CMIP: variants seen among roughly 807,000 people sequenced by gnomAD.
CMIP encodes C-Maf-inducing protein.
Under a neutral mutation model 97.3 loss-of-function variants are expected in CMIP, and 13 were observed. The observed-to-expected ratio is 0.13, with a 90% CI of 0.09 to 0.21. The LOEUF (loss-of-function observed/expected upper bound fraction) is 0.21, where lower values mean the gene tolerates loss of function less well. Among genes scored for constraint, CMIP ranks in the 10% least tolerant of loss-of-function variants. The pLI, the probability that CMIP is intolerant of heterozygous loss-of-function variation, is 1.00. For synonymous variants in CMIP, 538 were observed against 436.3 expected, an observed-to-expected ratio of 1.23 and a Z score of -2.91; for missense variants, 847 against 1,024.9, an observed-to-expected ratio of 0.83 and a Z score of 2.37.
intron 1 of CMIP, among the ~76,000 whole-genome samples, chr16:81,560,620 GCTCA>G (rs1161106873): frequency 6.6e-6 from 1 of 152,092 alleles, no homozygotes; most frequent in Admixed American, 6.5e-5. Flanking sequence ...TTCACTCACC[GCTCA>G]CTCACTCACC....
chr16:81,561,959 A>T (rs2090891818), intron 1 of CMIP, among the ~76,000 whole-genome samples: 1 of 152,110 alleles, frequency 6.6e-6, no homozygotes. Flanking sequence ...CTGTTGTAGT[A>T]ATCCAGTTGA....
chr16:81,587,626 A>G (rs942296810), intron 1 of CMIP, among the ~76,000 whole-genome samples: 2 of 152,202 alleles, frequency 1.3e-5, no homozygotes, highest in Admixed American at 6.5e-5. Flanking sequence ...AGGCCACCCA[A>G]TGGGTGAGCT....
chr16:81,473,811 GT>G (rs5818337), intron 1 of CMIP, among the ~76,000 whole-genome samples: 29,519 of 127,046 alleles, frequency 0.23, 4,095 homozygotes, highest in African/African-American at 0.45. Context: ...CCACACAGTG[GT>G]TTTTTTTTTT....
chr16:81,640,770 G>GTGTGTGTC (rs376370488), intron 3 of CMIP, among the ~76,000 whole-genome samples: 1,858 of 135,652 alleles, frequency 0.014, 36 homozygotes, highest in East Asian at 0.11. Flanking sequence ...GTGTGTGTGT[G>GTGTGTGTC]TCTCTCTCTC....
rs542221185 is a variant in CMIP at position 81,470,098 on chromosome 16, TC to T, written c.300+24559del. ...TGAGCAGGAGGAAGAACAAACCACT[TC>T]CTCTACAACCTTCAGATTTATCAGA... On this transcript the variant is annotated intron_variant, in intron 1 of 20. Transcript: ENST00000537098. 1.7e-3 allele frequency among the ~76,000 whole-genome samples: 261 copies of T among 152,352 alleles called. 1 individual carries two copies. Among genetic ancestry groups the T allele is most frequent in the African/African-American group, 5.8e-3 (240 of 41,574 alleles).
At chr16:81,485,714 G>A (rs573445739) in intron 1 of CMIP, among the ~76,000 whole-genome samples, 1 of 152,234 alleles carries the variant, frequency 6.6e-6, no homozygotes, top group Non-Finnish European at 1.5e-5. Context: ...AATTTTAGGT[G>A]TTATTTAGTT....
intron 1 of CMIP, among the ~76,000 whole-genome samples, chr16:81,559,296 T>G (rs1036317254): frequency 3.3e-5 from 5 of 152,218 alleles, no homozygotes; most frequent in African/African-American, 7.2e-5. Flanking sequence ...TGAACATTTA[T>G]TATGACACCA....
At chr16:81,604,867 G>T (rs566745178) in intron 1 of CMIP, among the ~76,000 whole-genome samples, 4 of 152,304 alleles carry the variant, frequency 2.6e-5, no homozygotes, top group Admixed American at 2.6e-4. Context: ...GGTGCTTACA[G>T]TTAAAACACG....
intron 1 of CMIP, among the ~76,000 whole-genome samples, chr16:81,456,355 G>A (rs1357768221): frequency 2.0e-5 from 3 of 152,212 alleles, no homozygotes; most frequent in South Asian, 2.1e-4. Context: ...GACCTCAAGA[G>A]TTCAAGGTTA....
chr16:81,485,297 G>A (rs1180744775), intron 1 of CMIP, among the ~76,000 whole-genome samples: 1 of 152,296 alleles, frequency 6.6e-6, no homozygotes, highest in East Asian at 1.9e-4. Context: ...TACTGCGAAC[G>A]ACTTTGAAAT....
intron 1 of CMIP, among the ~76,000 whole-genome samples, chr16:81,455,928 A>G (rs1906518697): frequency 6.6e-6 from 1 of 152,168 alleles, no homozygotes; most frequent in Non-Finnish European, 1.5e-5. Context: ...ACAGTTGGGC[A>G]CCTTGTAGGC....
chr16:81,611,631 CTG>C (rs1485561947), intron 2 of CMIP, among the ~76,000 whole-genome samples: 6 of 152,128 alleles, frequency 3.9e-5, no homozygotes, highest in Admixed American at 3.3e-4. Flanking sequence ...GTGGCTCACT[CTG>C]GGCTTCTCTT....
chr16:81,555,313 G>T (rs1011448372), intron 1 of CMIP, among the ~76,000 whole-genome samples: 8 of 152,150 alleles, frequency 5.3e-5, no homozygotes, highest in Non-Finnish European at 8.8e-5. Flanking sequence ...CATAGCTCTG[G>T]GGAAATCAAG....
chr16:81,620,607 C>T, intron 2 of CMIP: 1 of 410,904 alleles, frequency 2.4e-6, no homozygotes, highest in Non-Finnish European at 4.5e-6. Context: ...GCTCTCAAGT[C>T]AGCAGTGTCT....
intron 3 of CMIP, among the ~76,000 whole-genome samples, chr16:81,644,136 G>T (rs1467668062): frequency 6.6e-6 from 1 of 152,210 alleles, no homozygotes; most frequent in African/African-American, 2.4e-5. Context: ...TTAAAAATGA[G>T]ATTTTGGGGG....
At chr16:81,690,422 A>C (rs1053819319) in intron 10 of CMIP, among the ~76,000 whole-genome samples, 1 of 152,212 alleles carries the variant, frequency 6.6e-6, no homozygotes, top group African/African-American at 2.4e-5. Context: ...TTAGAAAAGA[A>C]GAAAAGCTGT....
At position 81,696,541 on chromosome 16, in the gene CMIP, G is replaced by C. The variant is rs180867495; in HGVS notation, c.1531-19G>C. ...GGGGCTGCATGCAGCTCACACTTGT[G>C]TCTTCCCTTGTCTGGCAGGTCCACT... On this transcript the variant is annotated intron_variant, in intron 13 of 20. Transcript: ENST00000537098. 1.1e-4 allele frequency: 176 copies of C among 1,599,254 alleles called. 1 individual carries two copies. The East Asian group carries it at 3.1e-3, about 28-fold the overall frequency.
chr16:81,627,475 C>T lies in CMIP; in HGVS notation c.477+6549C>T, dbSNP rs1422707336. On this transcript the variant is annotated intron_variant, in intron 3 of 20. Transcript: ENST00000537098. This position sits in a 1 kb window ranked among gnomAD's most constrained non-coding sequence, Gnocchi z 4.6. ...CCAAGTGGGTCCGACATGGTGGGAG[C>T]AGCTGGCTCGGCCTGTCTCCCTGGC... Among the ~76,000 whole-genome samples, 4 of 151,918 alleles carry T rather than the reference C, an allele frequency of 2.6e-5. No homozygotes were observed. The highest frequency in any genetic ancestry group is 5.9e-5 in the Non-Finnish European group (4 of 67,934).
intron 1 of CMIP, among the ~76,000 whole-genome samples, chr16:81,456,710 C>T (rs1157031900): frequency 2.0e-5 from 3 of 152,200 alleles, no homozygotes; most frequent in African/African-American, 7.2e-5. Context: ...TGTCTGGCTC[C>T]AGAGTATCAC....
Sources: allele counts gnomAD v4.1 joint callset (sites outside exome capture counted in the v4.1 genomes callset), GRCh38; gene constraint gnomAD v4.1.1; non-coding constraint Gnocchi (gnomAD v3.1); transcripts MANE v1.5; gene names NCBI Gene and HGNC (gene_info 2026-07-23, HGNC 2026-07-21).